DTD1: variants seen among roughly 807,000 people sequenced by gnomAD.
DTD1 encodes D-tyrosyl-tRNA deacylase 1 homolog.
DTD1 carries 13 observed loss-of-function variants against 25.6 expected under a neutral mutation model. The observed-to-expected ratio is 0.51, with a 90% confidence interval of 0.33 to 0.81. The LOEUF is 0.81. DTD1 is among the 30% of genes least tolerant of loss of function. The probability of loss-of-function intolerance (pLI) is 0.02; values close to 1 mark genes in which losing one functional copy is unlikely to be tolerated. For synonymous variants in DTD1, 110 were observed against 103.6 expected, an observed-to-expected ratio of 1.06 and a Z score of -0.37; for missense variants, 193 against 266.4, an observed-to-expected ratio of 0.72 and a Z score of 1.92.
At chr20:18,712,852 C>G (rs1034646365) in intron 4 of DTD1, among the ~76,000 whole-genome samples, 1 of 152,236 alleles carries the variant, frequency 6.6e-6, no homozygotes, top group African/African-American at 2.4e-5. Context: ...TTCAGCTCCC[C>G]CAAATCCTTT....
intron 4 of DTD1, among the ~76,000 whole-genome samples, chr20:18,672,404 G>GC (rs2060954141): frequency 6.6e-6 from 1 of 151,890 alleles, no homozygotes; most frequent in Admixed American, 6.6e-5. Flanking sequence ...TGTTTCACAT[G>GC]CCATAGCTAA....
At chr20:18,656,127 A>T (rs552565172) in intron 4 of DTD1, among the ~76,000 whole-genome samples, 1 of 152,188 alleles carries the variant, frequency 6.6e-6, no homozygotes, top group South Asian at 2.1e-4. Context: ...TTTTCTATGT[A>T]AATATTTGCT....
intron 4 of DTD1, among the ~76,000 whole-genome samples, chr20:18,691,672 A>T (rs1297286075): frequency 6.6e-6 from 1 of 152,196 alleles, no homozygotes. Flanking sequence ...TATGCTCATG[A>T]CCTGGGTGAT....
At chr20:18,660,373 G>GTACGCTT (rs1270068932) in intron 4 of DTD1, among the ~76,000 whole-genome samples, 1 of 151,986 alleles carries the variant, frequency 6.6e-6, no homozygotes, top group East Asian at 1.9e-4. Flanking sequence ...GTGCACACAA[G>GTACGCTT]TACGCTTGGC....
At chr20:18,669,789 G>A (rs1256536257) in intron 4 of DTD1, among the ~76,000 whole-genome samples, 2 of 152,130 alleles carry the variant, frequency 1.3e-5, no homozygotes, top group Non-Finnish European at 2.9e-5. Context: ...AAGGGTTTCT[G>A]TACTGTGTCT....
intron 5 of DTD1, among the ~76,000 whole-genome samples, chr20:18,745,696 G>A (rs928168879): frequency 6.6e-6 from 1 of 152,200 alleles, no homozygotes; most frequent in African/African-American, 2.4e-5. Context: ...TTGCAGAAGG[G>A]TGGGAGTGTT....
chr20:18,641,486 C>T (rs752241413), intron 4 of DTD1, among the ~76,000 whole-genome samples: 25 of 152,090 alleles, frequency 1.6e-4, no homozygotes, highest in Non-Finnish European at 2.9e-4. Context: ...GATTTCCCCA[C>T]ATCCTCACCA....
At chr20:18,692,514 C>T (rs2061051462) in intron 4 of DTD1, among the ~76,000 whole-genome samples, 1 of 152,208 alleles carries the variant, frequency 6.6e-6, no homozygotes, top group African/African-American at 2.4e-5. Context: ...CTAGTACAAG[C>T]CACCATGAAT....
chr20:18,594,696 A>C (rs1006836919), intron 2 of DTD1, among the ~76,000 whole-genome samples: 50 of 152,206 alleles, frequency 3.3e-4, no homozygotes, highest in Admixed American at 3.3e-3. Flanking sequence ...TAAGGTGTTG[A>C]TGATGGATAA....
At chr20:18,692,910 T>TC (rs1294638621) in intron 4 of DTD1, among the ~76,000 whole-genome samples, 1 of 150,244 alleles carries the variant, frequency 6.7e-6, no homozygotes, top group Non-Finnish European at 1.5e-5. Context: ...TTTTTTTTTT[T>TC]TGAGACAGAG....
At chr20:18,599,553 C>T (rs1377714127) in intron 3 of DTD1, among the ~76,000 whole-genome samples, 1 of 152,178 alleles carries the variant, frequency 6.6e-6, no homozygotes, top group East Asian at 1.9e-4. Flanking sequence ...AATGCAATTG[C>T]TGGACTTAAT....
chr20:18,756,343 C>A (rs953996497), intron 5 of DTD1, among the ~76,000 whole-genome samples: 8 of 152,114 alleles, frequency 5.3e-5, no homozygotes, highest in African/African-American at 1.9e-4. Context: ...GAAGTCCTTG[C>A]CCATGCCTAT....
chr20:18,756,204 C>T (rs2061338649), intron 5 of DTD1, among the ~76,000 whole-genome samples: 3 of 152,142 alleles, frequency 2.0e-5, no homozygotes, highest in Non-Finnish European at 4.4e-5. Flanking sequence ...CAAAAATTTT[C>T]TCCCACTTTG....
rs1295963506 is a variant in DTD1 at position 18,631,450 on chromosome 20, G to C, written c.477+3217G>C. On this transcript the variant is annotated intron_variant, in intron 4 of 5. Transcript: ENST00000377452. ...CCTGGAAGCCTCTGTCCTCTTGTTG[G>C]TTCTGTCTGCCTCTCACAGTCATCC... is the stretch of plus-strand genomic sequence containing the variant. 4 of 985,512 alleles carry C rather than the reference G, an allele frequency of 4.1e-6. No homozygotes were observed. In the East Asian group the frequency reaches 3.4e-4, roughly 84 times the overall value. The allele number at this position is 985,512 out of a possible 1,614,324, so 61.0% of individuals were successfully genotyped here.
At chr20:18,751,779 C>G (rs1048276097) in intron 5 of DTD1, among the ~76,000 whole-genome samples, 43 of 152,014 alleles carry the variant, frequency 2.8e-4, no homozygotes, top group African/African-American at 9.7e-4. Flanking sequence ...CAGGAGTGAG[C>G]CACCATGGCC....
chr20:18,642,905 C>CTTTCT (rs61339257), intron 4 of DTD1: 72,732 of 147,516 alleles, frequency 0.49, 18,366 homozygotes, highest in Middle Eastern at 0.55. Context: ...CAATTTCTTT[C>CTTTCT]TTTCTTTTCT....
chr20:18,744,344 C>A, intron 5 of DTD1, 73 bp downstream of exon 5: 1 of 1,471,028 alleles, frequency 6.8e-7, no homozygotes, highest in South Asian at 1.3e-5. Context: ...GGAATAGCTG[C>A]TGAGGCTGAA....
rs117060029 is a variant in DTD1 at position 18,634,162 on chromosome 20, C to T, written c.477+5929C>T. 2.9e-3 allele frequency among the ~76,000 whole-genome samples: 441 copies of T among 152,284 alleles called. 4 individuals carry two copies. The highest frequency in any genetic ancestry group is 2.5e-3 in the Non-Finnish European group (169 of 68,036). On this transcript the variant is annotated intron_variant, in intron 4 of 5. Transcript: ENST00000377452. ...GGTGCATGAGCTCTTCCATTGGTGG[C>T]TAGATATTGGGAGATTTTAACACCC... is the stretch of plus-strand genomic sequence containing the variant.
At chr20:18,707,209 CAGAA>C (rs1272896634) in intron 4 of DTD1, among the ~76,000 whole-genome samples, 2 of 152,202 alleles carry the variant, frequency 1.3e-5, no homozygotes, top group Non-Finnish European at 2.9e-5. Context: ...CAGTTATATT[CAGAA>C]AGAGAGTTTC....
Sources: gnomAD v4.1 joint callset for allele counts (sites outside exome capture counted in the v4.1 genomes callset) on GRCh38, gnomAD v4.1.1 for gene constraint, MANE v1.5 for transcripts, NCBI Gene and HGNC (gene_info 2026-07-23, HGNC 2026-07-21) for gene names.